Variants in HIVEP2 observed in about 807,000 individuals in gnomAD.
HIVEP2 encodes HIVEP zinc finger 2, also known as transcription factor HIVEP2.
Under a neutral mutation model 180.7 loss-of-function variants are expected in HIVEP2, and 14 were observed. The ratio of observed to expected loss-of-function variants is 0.08; its 90% confidence interval spans 0.05 to 0.12. The LOEUF (loss-of-function observed/expected upper bound fraction) is 0.12, where lower values mean the gene tolerates loss of function less well. Among genes scored for constraint, HIVEP2 ranks in the 10% least tolerant of loss-of-function variants. The pLI, the probability that HIVEP2 is intolerant of heterozygous loss-of-function variation, is 1.00. For missense variants in HIVEP2, 2,579 were observed against 3,008.5 expected, an observed-to-expected ratio of 0.86 and a Z score of 3.34; for synonymous variants, 1,184 against 1,136.4, an observed-to-expected ratio of 1.04 and a Z score of -0.84.
intron 2 of HIVEP2, among the ~76,000 whole-genome samples, chr6:142,805,777 T>C (rs909624924): frequency 6.6e-6 from 1 of 152,146 alleles, no homozygotes; most frequent in Non-Finnish European, 1.5e-5. Context: ...GGGCCTAATT[T>C]GGAGGGCTCT....
chr6:142,858,554 C>T (rs995359716), intron 1 of HIVEP2, among the ~76,000 whole-genome samples: 1 of 152,072 alleles, frequency 6.6e-6, no homozygotes, highest in Non-Finnish European at 1.5e-5. Context: ...TTTATCACAC[C>T]TCCTCTCACC....
At chr6:142,796,866 T>C (rs1776291701) in intron 2 of HIVEP2, among the ~76,000 whole-genome samples, 1 of 152,172 alleles carries the variant, frequency 6.6e-6, no homozygotes, top group Non-Finnish European at 1.5e-5. Flanking sequence ...TTTAAGTGGA[T>C]GCTTGCAACA....
chr6:142,774,403 G>A lies in HIVEP2; in HGVS notation c.336C>T (p.Ser112=). The A allele has an allele frequency of 1.2e-6, 2 of 1,614,202 alleles. No individual in the cohort carries two copies. The highest frequency in any genetic ancestry group is 1.7e-6 in the Non-Finnish European group (2 of 1,180,042). The change falls in exon 5 of 10, where the codon AGC becomes AGT. Residue 112 remains serine (S), a synonymous_variant. Coordinates refer to ENST00000367603, the MANE Select transcript of HIVEP2 (RefSeq NM_006734.4). This position sits in a 1 kb window ranked among gnomAD's most constrained non-coding sequence, Gnocchi z 5.1. ...CTTCGAGGCTCTGATGTGGCTTGGT[G>A]CTGTGCATGACCCCCTGTGGCAATG... ...QHSLPQGVMH[S]TKPHQSLEGP...
chr6:142,759,533 T>C (rs1202930312), intron 9 of HIVEP2, among the ~76,000 whole-genome samples: 1 of 152,206 alleles, frequency 6.6e-6, no homozygotes, highest in Non-Finnish European at 1.5e-5. Flanking sequence ...CAGAAAGGCC[T>C]CACCTGTTCC....
In HIVEP2 at chr6:142,764,950, T is replaced by C. The variant is rs751235003; in HGVS notation, c.5367A>G (p.Val1789=). 6.2e-6 allele frequency: 10 copies of C among 1,609,648 alleles called. No homozygotes were observed. Among genetic ancestry groups the C allele is most frequent in the South Asian group, 1.1e-5 (1 of 90,674 alleles). Residue 1789 remains valine, a synonymous_variant, in exon 7 of 10, where the codon GTA becomes GTG. Coordinates refer to ENST00000367603, the MANE Select transcript of HIVEP2 (RefSeq NM_006734.4). ...TTCCCCGGCCACGTCCTCTGACATATACATAATCTTCATTCGATTTGTACC... is the reference window on the plus strand; with the variant it reads ...TTCCCCGGCCACGTCCTCTGACATACACATAATCTTCATTCGATTTGTACC... ...EGGYKSNEDY[V]YVRGRGRGKY...
At chr6:142,759,726 A>AT (rs1775172203) in intron 9 of HIVEP2, 46 bp downstream of exon 9, 2 of 1,476,078 alleles carry the variant, frequency 1.4e-6, no homozygotes, top group Non-Finnish European at 9.2e-7. Context: ...AGGAGGACCA[A>AT]TGTGCTTCCA....
intron 1 of HIVEP2, among the ~76,000 whole-genome samples, chr6:142,927,288 C>A (rs111988033): frequency 3.9e-5 from 6 of 152,318 alleles, no homozygotes; most frequent in African/African-American, 1.4e-4. Flanking sequence ...CTTTCCTCAG[C>A]GTAATTTTGA....
At chr6:142,766,792 C>T (rs993090128) in intron 6 of HIVEP2, among the ~76,000 whole-genome samples, 2 of 152,144 alleles carry the variant, frequency 1.3e-5, no homozygotes, top group African/African-American at 2.4e-5. Flanking sequence ...ACATTCAAAG[C>T]TGTGTTTAAC....
intron 1 of HIVEP2, among the ~76,000 whole-genome samples, chr6:142,850,540 C>A (rs1160254530): frequency 6.6e-6 from 1 of 152,224 alleles, no homozygotes; most frequent in Non-Finnish European, 1.5e-5. Flanking sequence ...ACTTAAATCT[C>A]TTATTGTGAA....
chr6:142,888,930 C>T (rs1227745749), intron 1 of HIVEP2, among the ~76,000 whole-genome samples: 1 of 152,234 alleles, frequency 6.6e-6, no homozygotes, highest in Non-Finnish European at 1.5e-5. Flanking sequence ...GAAAACATAA[C>T]TCTGACTATA....
At position 142,760,012 on chromosome 6, in the gene HIVEP2, C is replaced by T; in HGVS notation, c.6276G>A (p.Lys2092=). ...LSPMRHLSPR[K]EAALRREMSQ... ...ACATCTCTCTTCTCAATGCAGCTTCCTTTCTTGGTGAAAGATGTCTCATGG... is the reference window on the plus strand; with the variant it reads ...ACATCTCTCTTCTCAATGCAGCTTCTTTTCTTGGTGAAAGATGTCTCATGG... Residue 2092 remains lysine, a synonymous_variant, in exon 9 of 10, where the codon AAG becomes AAA. Transcript: ENST00000367603. 1 of 1,613,998 alleles carries T rather than the reference C, an allele frequency of 6.2e-7. No homozygotes were observed. Among genetic ancestry groups the T allele is most frequent in the Non-Finnish European group, 8.5e-7 (1 of 1,179,958 alleles).
At position 142,753,288 on chromosome 6, in the gene HIVEP2, G is replaced by C. The variant is rs1774968270; in HGVS notation, c.7160C>G (p.Pro2387Arg). 3.1e-6 allele frequency: 5 copies of C among 1,614,052 alleles called. No homozygotes were observed. The highest frequency in any genetic ancestry group is 1.6e-4 in the Middle Eastern group (1 of 6,084). Reference sequence around the variant, plus strand: ...GTCCTTTTCACCATCATGCAAGTCAGGGTGGGTGGCTGAGGTACAGGGCTG... The same window carrying C: ...GTCCTTTTCACCATCATGCAAGTCACGGTGGGTGGCTGAGGTACAGGGCTG... ...PGQPCTSATH[P>R]DLHDGEKDNF... is the part of the protein sequence containing the mutation. Residue 2387 changes from proline (P) to arginine (R), a missense_variant, in exon 10 of 10, where the codon CCT becomes CGT. Physicochemically the swap from Pro to Arg is moderately radical, Grantham distance 103. Coordinates refer to ENST00000367603, the MANE Select transcript of HIVEP2 (RefSeq NM_006734.4).
Position 142,774,201 on chromosome 6 carries a change from C to G in HIVEP2, c.538G>C (p.Glu180Gln). The change falls in exon 5 of 10, where the codon GAG (glutamate) becomes CAG (glutamine). Residue 180 changes from glutamate (E) to glutamine (Q), a missense_variant. Around this residue, in one of 11 missense-constraint regions of HIVEP2, gnomAD observed 26 missense variants for 76.9 expected, o/e 0.34. Transcript: ENST00000367603. The surrounding 1 kb of genome is among the most constrained non-coding windows in gnomAD (Gnocchi z 5.1). ...IEQAEEAHKK[E>Q]HKPKKPGKYI... Reference sequence around the variant, plus strand: ...TTGCCAGGCTTTTTGGGTTTGTGCTCTTTCTTGTGAGCCTCTTCTGCCTGT... The same window carrying G: ...TTGCCAGGCTTTTTGGGTTTGTGCTGTTTCTTGTGAGCCTCTTCTGCCTGT... The G allele has an allele frequency of 6.2e-7, 1 of 1,614,112 alleles. No individual in the cohort carries two copies. Among genetic ancestry groups the G allele is most frequent in the South Asian group, 1.1e-5 (1 of 91,070 alleles).
At chr6:142,827,749 G>A (rs1056176385) in intron 2 of HIVEP2, among the ~76,000 whole-genome samples, 1 of 152,092 alleles carries the variant, frequency 6.6e-6, no homozygotes, top group Non-Finnish European at 1.5e-5. Flanking sequence ...TCTTTTAATT[G>A]CAAGAAAATA....
rs973590249 is a variant in HIVEP2, at chr6:142,813,551, G to A, written c.-528+23384C>T. 2.0e-5 allele frequency among the ~76,000 whole-genome samples: 3 copies of A among 150,666 alleles called. No individual in the cohort carries two copies. The East Asian group carries it at 5.8e-4, about 29-fold the overall frequency. ...TATAAGATATAAGACATTATGTCTGGATGCTCCATCATCAGTTCAGAGTTT... is the reference window on the plus strand; with the variant it reads ...TATAAGATATAAGACATTATGTCTGAATGCTCCATCATCAGTTCAGAGTTT... On this transcript the variant is annotated intron_variant, in intron 2 of 9. Transcript: ENST00000367603.
intron 1 of HIVEP2, among the ~76,000 whole-genome samples, chr6:142,892,622 C>T (rs541122175): frequency 1.4e-4 from 21 of 152,218 alleles, no homozygotes; most frequent in African/African-American, 4.3e-4. Context: ...AATAGATAAA[C>T]GAGAAGACAT....
intron 1 of HIVEP2, among the ~76,000 whole-genome samples, chr6:142,882,595 C>G (rs894577808): frequency 8.1e-6 from 1 of 123,704 alleles, no homozygotes; most frequent in African/African-American, 3.1e-5. Flanking sequence ...GCCTGGGTGA[C>G]AAAGCAAGAC....
At chr6:142,855,499 A>C (rs1350648259) in intron 1 of HIVEP2, among the ~76,000 whole-genome samples, 1 of 152,250 alleles carries the variant, frequency 6.6e-6, no homozygotes, top group Non-Finnish European at 1.5e-5. Context: ...AATCACAAAC[A>C]AAAACAAAAT....
At chr6:142,780,195 C>T (rs2328375) in intron 3 of HIVEP2, among the ~76,000 whole-genome samples, 8,194 of 152,182 alleles carry the variant, frequency 0.054, 718 homozygotes, top group African/African-American at 0.19. Flanking sequence ...CAAGCCTACC[C>T]GAGATGCCCC....
Sources: allele counts gnomAD v4.1 joint callset (sites outside exome capture counted in the v4.1 genomes callset), GRCh38; gene constraint gnomAD v4.1.1; regional missense constraint gnomAD v4.1.1; non-coding constraint Gnocchi (gnomAD v3.1); transcripts MANE v1.5; gene names NCBI Gene and HGNC (gene_info 2026-07-23, HGNC 2026-07-21).